Variants in CNBD1 observed in about 807,000 individuals in gnomAD.
The protein encoded by CNBD1 is cyclic nucleotide binding domain containing 1.
A neutral mutation model predicts 54.4 loss-of-function variants in CNBD1; 71 were observed. The observed-to-expected ratio is 1.30, with a 90% CI of 1.08 to 1.59. The LOEUF (loss-of-function observed/expected upper bound fraction) is 1.59, where lower values mean the gene tolerates loss of function less well. Ranked by LOEUF, CNBD1 falls within the 40% of genes most tolerant of loss-of-function variation. The pLI is 0.00. For missense variants in CNBD1, 659 were observed against 518.0 expected (o/e 1.27, Z -2.64); for synonymous variants, 182 against 170.7 (o/e 1.07, Z -0.51).
intron 10 of CNBD1, among the ~76,000 whole-genome samples, chr8:87,357,296 T>TA (rs148023406): frequency 0.035 from 5,295 of 152,038 alleles, 294 homozygotes; most frequent in African/African-American, 0.12. Context: ...CTGAGAATGG[T>TA]AGAGCCATGG....
chr8:86,934,083 G>A (rs1809503613), intron 3 of CNBD1, among the ~76,000 whole-genome samples: 1 of 152,006 alleles, frequency 6.6e-6, no homozygotes, highest in African/African-American at 2.4e-5. Flanking sequence ...CCTTCTCCCT[G>A]GAATATTCTT....
At chr8:87,274,393 TA>T (rs1283429652) in intron 6 of CNBD1, among the ~76,000 whole-genome samples, 2 of 145,900 alleles carry the variant, frequency 1.4e-5, no homozygotes, top group East Asian at 3.9e-4. Context: ...ACCAACAGTG[TA>T]AAAGTGTGCC....
chr8:87,186,652 T>C (rs917939901), intron 4 of CNBD1, among the ~76,000 whole-genome samples: 28 of 152,182 alleles, frequency 1.8e-4, no homozygotes, highest in African/African-American at 6.3e-4. Context: ...TACCTACTTA[T>C]AATTTATTAA....
At chr8:86,957,793 C>A (rs143516542) in intron 4 of CNBD1, among the ~76,000 whole-genome samples, 1 of 151,904 alleles carries the variant, frequency 6.6e-6, no homozygotes, top group African/African-American at 2.4e-5. Flanking sequence ...CTGGGTTCAT[C>A]GATTTTTTGT....
intron 2 of CNBD1, among the ~76,000 whole-genome samples, chr8:87,410,927 G>A (rs913858458): frequency 1.3e-5 from 2 of 151,446 alleles, no homozygotes; most frequent in African/African-American, 2.4e-5. Context: ...ATGATTGTTA[G>A]CATTTTTTTA....
At chr8:87,222,527 G>A (rs1814362573) in intron 5 of CNBD1, among the ~76,000 whole-genome samples, 1 of 152,114 alleles carries the variant, frequency 6.6e-6, no homozygotes, top group Non-Finnish European at 1.5e-5. Context: ...TTCCCTGGTA[G>A]ATAGATAACA....
chr8:86,956,201 G>T (rs1807764767), intron 4 of CNBD1, among the ~76,000 whole-genome samples: 1 of 151,904 alleles, frequency 6.6e-6, no homozygotes, highest in African/African-American at 2.4e-5. Flanking sequence ...TCTCTGTTTT[G>T]GTACCAGTAC....
chr8:87,092,634 G>A (rs146998126), intron 4 of CNBD1, among the ~76,000 whole-genome samples: 1 of 150,736 alleles, frequency 6.6e-6, no homozygotes, highest in South Asian at 2.1e-4. Flanking sequence ...TATCTTCTCT[G>A]TTGGCTCCTC....
intron 4 of CNBD1, among the ~76,000 whole-genome samples, chr8:87,157,518 A>C (rs1812766032): frequency 6.6e-6 from 1 of 152,174 alleles, no homozygotes; most frequent in Non-Finnish European, 1.5e-5. Context: ...CTGACTAAAC[A>C]TAGGGACACA....
chr8:87,311,591 T>C (rs1279364288), intron 8 of CNBD1, among the ~76,000 whole-genome samples: 2 of 152,080 alleles, frequency 1.3e-5, no homozygotes, highest in Admixed American at 6.6e-5. Flanking sequence ...AATCCAATTA[T>C]TGAGTATATA....
intron 4 of CNBD1, among the ~76,000 whole-genome samples, chr8:87,168,238 T>A (rs900968292): frequency 2.0e-5 from 3 of 152,050 alleles, no homozygotes; most frequent in African/African-American, 7.2e-5. Flanking sequence ...ATGAACACAT[T>A]TAAACATCCA....
intron 4 of CNBD1, among the ~76,000 whole-genome samples, chr8:87,026,126 G>A (rs73273663): frequency 0.03 from 4,617 of 152,240 alleles, 241 homozygotes; most frequent in African/African-American, 0.1. Flanking sequence ...AAATGCCACA[G>A]AAGCATTCTT....
At position 87,105,337 on chromosome 8, in the gene CNBD1, AAG is replaced by A. The variant is rs556893876; in HGVS notation, c.432-100653_432-100652del. On this transcript the variant is annotated intron_variant, in intron 4 of 10. Coordinates refer to ENST00000518476, the MANE Select transcript of CNBD1 (RefSeq NM_173538.3). ...TTAAAATTAAAATAGATATTAGTGA[AAG>A]AGTCATAAATGCAGGCTTTCACTTT... is the stretch of plus-strand genomic sequence containing the variant. Among the ~76,000 whole-genome samples, 1,365 of 152,326 alleles carry A rather than the reference AAG, an allele frequency of 9.0e-3. 12 individuals carry two copies. Among genetic ancestry groups the A allele is most frequent in the Middle Eastern group, 0.037 (11 of 294 alleles).
intron 6 of CNBD1, among the ~76,000 whole-genome samples, chr8:87,258,185 G>T (rs1808057875): frequency 6.6e-6 from 1 of 152,020 alleles, no homozygotes; most frequent in Non-Finnish European, 1.5e-5. Context: ...TTGATTTTGG[G>T]AGGCCTATTA....
At chr8:87,370,037 T>A (rs1224533714) in intron 10 of CNBD1, among the ~76,000 whole-genome samples, 1 of 152,030 alleles carries the variant, frequency 6.6e-6, no homozygotes, top group East Asian at 1.9e-4. Context: ...TTCATCCATG[T>A]CCCTACAAAG....
At chr8:87,426,545 A>C (rs894668946) in intron 2 of CNBD1, among the ~76,000 whole-genome samples, 3 of 152,192 alleles carry the variant, frequency 2.0e-5, no homozygotes, top group African/African-American at 4.8e-5. Flanking sequence ...AGAAACTTAT[A>C]ATGAGGTAAT....
intron 10 of CNBD1, among the ~76,000 whole-genome samples, chr8:87,354,405 T>A (rs1329030001): frequency 6.6e-6 from 1 of 152,118 alleles, no homozygotes; most frequent in East Asian, 1.9e-4. Flanking sequence ...TTCTTTTTTT[T>A]TAATTTTATT....
intron 2 of CNBD1, among the ~76,000 whole-genome samples, chr8:87,402,951 A>G (rs1293540893): frequency 6.6e-6 from 1 of 152,092 alleles, no homozygotes; most frequent in South Asian, 2.1e-4. Context: ...TAATGTTTAT[A>G]TCATACAATT....
At chr8:87,120,124 A>G (rs1374207636) in intron 4 of CNBD1, among the ~76,000 whole-genome samples, 1 of 152,024 alleles carries the variant, frequency 6.6e-6, no homozygotes, top group East Asian at 1.9e-4. Flanking sequence ...CTCCTTTTTG[A>G]TAATTTTAAA....
Sources: gnomAD v4.1 joint callset for allele counts (sites outside exome capture counted in the v4.1 genomes callset) on GRCh38, gnomAD v4.1.1 for gene constraint, MANE v1.5 for transcripts, NCBI Gene and HGNC (gene_info 2026-07-23, HGNC 2026-07-21) for gene names.